LRMDA: variants seen among roughly 807,000 people sequenced by gnomAD.
The protein encoded by LRMDA is leucine rich melanocyte differentiation associated.
LRMDA carries 18 observed loss-of-function variants against 29.8 expected under a neutral mutation model. The observed-to-expected ratio is 0.60, with a 90% CI of 0.42 to 0.90. LRMDA has a LOEUF of 0.90. LRMDA is among the 40% of genes least tolerant of loss of function. The pLI, the probability that LRMDA is intolerant of heterozygous loss-of-function variation, is 0.00. For missense variants in LRMDA, 273 were observed against 273.9 expected (o/e 1.00, Z 0.02); for synonymous variants, 125 against 109.4 (o/e 1.14, Z -0.89).
chr10:76,318,364 G>T (rs538852740), intron 5 of LRMDA: 59 of 152,282 alleles, frequency 3.9e-4, no homozygotes, highest in African/African-American at 1.2e-3. Flanking sequence ...GCAGAACTGG[G>T]CCCCCTGTAG....
chr10:76,308,465 C>G (rs1437246958), intron 5 of LRMDA, among the ~76,000 whole-genome samples: 2 of 152,174 alleles, frequency 1.3e-5, no homozygotes, highest in Non-Finnish European at 2.9e-5. Flanking sequence ...CTTGTTTCCC[C>G]TCCCAAGACT....
At chr10:76,222,107 C>T (rs956724391) in intron 5 of LRMDA, among the ~76,000 whole-genome samples, 1 of 151,752 alleles carries the variant, frequency 6.6e-6, no homozygotes, top group Non-Finnish European at 1.5e-5. Context: ...ACACCTTATA[C>T]AAAAATTAAT....
chr10:75,724,085 G>T (rs1367369425), intron 2 of LRMDA, among the ~76,000 whole-genome samples: 2 of 152,082 alleles, frequency 1.3e-5, no homozygotes, highest in African/African-American at 4.8e-5. Flanking sequence ...ATGAACCATA[G>T]ATTTAGGGAA....
At chr10:76,552,066 A>G (rs2579744) in intron 6 of LRMDA, among the ~76,000 whole-genome samples, 68,153 of 152,116 alleles carry the variant, frequency 0.45, 16,528 homozygotes, top group Middle Eastern at 0.57. Context: ...TGCATTTAAA[A>G]TAATGATCCC....
At position 75,693,542 on chromosome 10, in the gene LRMDA, C is replaced by T. The variant is rs138176567; in HGVS notation, c.131+255048C>T. On this transcript the variant is annotated intron_variant, in intron 2 of 6. Coordinates refer to ENST00000611255, the MANE Select transcript of LRMDA (RefSeq NM_001305581.2). The stretch of plus-strand genomic sequence containing the variant: ...AGAGCATAAAACTACAAACTGAATC[C>T]GCAAGTTCTATTTGTGTAATAGGCA... 1.1e-3 allele frequency among the ~76,000 whole-genome samples: 165 copies of T among 152,238 alleles called. No individual in the cohort carries two copies. In the Middle Eastern group the frequency reaches 0.027, roughly 25 times the overall value.
chr10:76,325,656 A>G (rs1840825194), intron 6 of LRMDA, among the ~76,000 whole-genome samples: 1 of 152,136 alleles, frequency 6.6e-6, no homozygotes, highest in Non-Finnish European at 1.5e-5. Context: ...GTGTTTATTT[A>G]TTGGTTTCTT....
intron 2 of LRMDA, among the ~76,000 whole-genome samples, chr10:75,957,001 A>T (rs1225740460): frequency 6.6e-6 from 1 of 152,222 alleles, no homozygotes; most frequent in East Asian, 1.9e-4. Context: ...TTTTACACTA[A>T]GCAATGAGTT....
chr10:76,128,609 AT>A (rs966303070), intron 5 of LRMDA, among the ~76,000 whole-genome samples: 2 of 152,210 alleles, frequency 1.3e-5, no homozygotes, highest in Non-Finnish European at 2.9e-5. Flanking sequence ...GAGATGATGG[AT>A]GTTTATGATC....
At chr10:75,920,755 G>A (rs915277698) in intron 2 of LRMDA, among the ~76,000 whole-genome samples, 2 of 152,162 alleles carry the variant, frequency 1.3e-5, no homozygotes, top group African/African-American at 2.4e-5. Context: ...AGCTCAGCCT[G>A]GGTTTTATAA....
chr10:75,723,088 G>A (rs79949047), intron 2 of LRMDA, among the ~76,000 whole-genome samples: 5,610 of 152,332 alleles, frequency 0.037, 132 homozygotes, highest in Non-Finnish European at 0.06. Context: ...TATAGACAAA[G>A]CTTATTTGTG....
At chr10:76,399,853 T>C (rs1473460341) in intron 6 of LRMDA, among the ~76,000 whole-genome samples, 1 of 152,184 alleles carries the variant, frequency 6.6e-6, no homozygotes, top group Non-Finnish European at 1.5e-5. Context: ...TCATTGAGTC[T>C]AATCATTTCC....
chr10:75,591,931 CT>C (rs1395156328), intron 2 of LRMDA, among the ~76,000 whole-genome samples: 1 of 151,836 alleles, frequency 6.6e-6, no homozygotes, highest in Non-Finnish European at 1.5e-5. Context: ...TTACTCTTCT[CT>C]GTGAAAAGTC....
At chr10:76,064,059 T>G (rs375402617) in intron 5 of LRMDA, among the ~76,000 whole-genome samples, 1 of 152,166 alleles carries the variant, frequency 6.6e-6, no homozygotes, top group Non-Finnish European at 1.5e-5. Flanking sequence ...TATTGGAAGA[T>G]CCATCATGAA....
chr10:76,556,928 A>C (rs1482252213), intron 6 of LRMDA, among the ~76,000 whole-genome samples: 1 of 152,186 alleles, frequency 6.6e-6, no homozygotes, highest in Non-Finnish European at 1.5e-5. Flanking sequence ...AATTGGCCAA[A>C]TTAGAAAAGT....
intron 2 of LRMDA, among the ~76,000 whole-genome samples, chr10:76,020,378 A>G: frequency 6.6e-6 from 1 of 152,214 alleles, no homozygotes. Flanking sequence ...GAAAACAAAA[A>G]AGAACATTTC....
chr10:75,666,045 A>G (rs1206766760), intron 2 of LRMDA, among the ~76,000 whole-genome samples: 4 of 152,094 alleles, frequency 2.6e-5, no homozygotes, highest in African/African-American at 7.2e-5. Context: ...TCATGTATTC[A>G]TTTTACATTT....
chr10:75,718,839 C>G (rs923373030), intron 2 of LRMDA, among the ~76,000 whole-genome samples: 3 of 152,126 alleles, frequency 2.0e-5, no homozygotes, highest in Non-Finnish European at 4.4e-5. Flanking sequence ...TTACTATAGT[C>G]ATATTAACCG....
chr10:75,956,019 G>T (rs1278195746), intron 2 of LRMDA, among the ~76,000 whole-genome samples: 2 of 151,762 alleles, frequency 1.3e-5, no homozygotes, highest in Non-Finnish European at 2.9e-5. Flanking sequence ...AATTTCTATG[G>T]GCAAGGGATT....
chr10:75,840,077 C>G (rs959275251), intron 2 of LRMDA, among the ~76,000 whole-genome samples: 1 of 152,102 alleles, frequency 6.6e-6, no homozygotes, highest in African/African-American at 2.4e-5. Context: ...CTTTTTTTCC[C>G]TATTGGCAGA....
Sources: allele counts gnomAD v4.1 joint callset (sites outside exome capture counted in the v4.1 genomes callset), GRCh38; gene constraint gnomAD v4.1.1; transcripts MANE v1.5; gene names NCBI Gene and HGNC (gene_info 2026-07-23, HGNC 2026-07-21).